DTX1: variants seen among roughly 807,000 people sequenced by gnomAD.
DTX1 encodes deltex E3 ubiquitin ligase 1.
Under a neutral mutation model 57.8 loss-of-function variants are expected in DTX1, and 26 were observed. That is an observed-to-expected ratio of 0.45 (90% confidence interval 0.33 to 0.62). The LOEUF (loss-of-function observed/expected upper bound fraction) is 0.62. Ranked by LOEUF, DTX1 falls within the 20% of genes least tolerant of loss-of-function variation. The probability of loss-of-function intolerance (pLI) is 0.02; values close to 1 mark genes in which losing one functional copy is unlikely to be tolerated. For missense variants in DTX1, 704 were observed against 895.3 expected, an observed-to-expected ratio of 0.79 and a Z score of 2.73; for synonymous variants, 398 against 394.1, an observed-to-expected ratio of 1.01 and a Z score of -0.12.
rs2044641063 is a variant in DTX1 at position 113,058,057 on chromosome 12, G to C, written c.-136G>C. 1 of 1,377,478 alleles carries C rather than the reference G, an allele frequency of 7.3e-7. No homozygotes were observed. Among genetic ancestry groups the C allele is most frequent in the Admixed American group, 2.9e-5 (1 of 34,926 alleles). 85.3% of individuals were successfully genotyped at this position (1,377,478 alleles called of 1,614,324 possible). On this transcript the variant is annotated 5_prime_UTR_variant, in exon 2 of 10. Transcript: ENST00000548759. ...AACGGAGGTCTCTAGGCCTCAGAGAGAACCCAGAGTTAGAAAGGAGGCCAG... is the reference window on the plus strand; with the variant it reads ...AACGGAGGTCTCTAGGCCTCAGAGACAACCCAGAGTTAGAAAGGAGGCCAG...
intron 3 of DTX1, among the ~76,000 whole-genome samples, chr12:113,079,224 A>G (rs1404389244): frequency 3.3e-5 from 5 of 152,138 alleles, no homozygotes. Context: ...AAGAGAAAAG[A>G]CCAGGGGGGT....
At chr12:113,061,981 C>A (rs554597286) in intron 2 of DTX1, among the ~76,000 whole-genome samples, 1 of 152,012 alleles carries the variant, frequency 6.6e-6, no homozygotes, top group South Asian at 2.1e-4. Flanking sequence ...GCTGGGATTA[C>A]AAGCGTGAGC....
At chr12:113,059,045 G>T (rs904272836) in intron 2 of DTX1, among the ~76,000 whole-genome samples, 1 of 152,068 alleles carries the variant, frequency 6.6e-6, no homozygotes, top group African/African-American at 2.4e-5. Context: ...CGTGCTGGTG[G>T]TAATTAATTG....
chr12:113,068,528 C>T (rs1342853605), intron 2 of DTX1, among the ~76,000 whole-genome samples: 1 of 152,164 alleles, frequency 6.6e-6, no homozygotes, highest in African/African-American at 2.4e-5. Flanking sequence ...ACAGATGGAA[C>T]AGCATATGCA....
At chr12:113,070,855 C>T (rs547121299) in intron 2 of DTX1, among the ~76,000 whole-genome samples, 1 of 152,206 alleles carries the variant, frequency 6.6e-6, no homozygotes, top group African/African-American at 2.4e-5. Context: ...CAAGAGTTCA[C>T]CTCTCCGGGC....
chr12:113,065,468 C>T lies in DTX1; in HGVS notation c.259+7017C>T, dbSNP rs188469192. ...CTTCCGGGCTGGGGGTGGGGATGCC[C>T]GGGACAGACCCCCTCGCAGCCCTCT... On this transcript the variant is annotated intron_variant, in intron 2 of 9. Coordinates refer to ENST00000548759, the MANE Select transcript of DTX1 (RefSeq NM_004416.3). 3.6e-3 allele frequency among the ~76,000 whole-genome samples: 555 copies of T among 152,254 alleles called. 5 individuals are homozygous for T. Among genetic ancestry groups the T allele is most frequent in the Non-Finnish European group, 3.2e-3 (217 of 67,998 alleles).
intron 2 of DTX1, among the ~76,000 whole-genome samples, chr12:113,070,146 C>T (rs1279307619): frequency 6.6e-6 from 1 of 152,166 alleles, no homozygotes; most frequent in Non-Finnish European, 1.5e-5. Flanking sequence ...GCAATAACAC[C>T]CCCACCTCCT....
At chr12:113,096,611 A>G (rs1357649658) in intron 9 of DTX1, 104 bp from the exon 10 acceptor site, 1 of 1,110,572 alleles carries the variant, frequency 9.0e-7, no homozygotes, top group African/African-American at 1.5e-5. Flanking sequence ...GGACGAAGCC[A>G]TAAGGTAGCC....
At chr12:113,067,362 T>TA (rs2044710592) in intron 2 of DTX1, among the ~76,000 whole-genome samples, 1 of 152,128 alleles carries the variant, frequency 6.6e-6, no homozygotes, top group Non-Finnish European at 1.5e-5. Flanking sequence ...TCCAAGGTGT[T>TA]ACTCACCTGG....
At chr12:113,081,245 C>T (rs1201436362) in intron 3 of DTX1, among the ~76,000 whole-genome samples, 1 of 152,034 alleles carries the variant, frequency 6.6e-6, no homozygotes, top group Non-Finnish European at 1.5e-5. Flanking sequence ...GGGAGGATTG[C>T]GTGAACCCGG....
Position 113,095,312 on chromosome 12 carries a change from T to TC in DTX1, c.1549-10dup, listed in dbSNP as rs1449558247. 1 of 1,613,978 alleles carries TC rather than the reference T, an allele frequency of 6.2e-7. No individual in the cohort carries two copies. Among genetic ancestry groups the TC allele is most frequent in the South Asian group, 1.1e-5 (1 of 91,064 alleles). ...GTTCATGGTCTAAATCCCTGTACTG[T>TC]CCCTCTCTGCAGGGCCCTGAGCACC... On this transcript the variant is annotated splice_polypyrimidine_tract_variant and intron_variant, in intron 8 of 9. Transcript: ENST00000548759.
In DTX1 at chr12:113,095,474, T is replaced by A. The variant is rs1048663363; in HGVS notation, c.1638+60T>A. 14 of 1,594,072 alleles carry A rather than the reference T, an allele frequency of 8.8e-6. No homozygotes were observed. In the African/African-American group the frequency reaches 1.9e-4, roughly 21 times the overall value. On this transcript the variant is annotated intron_variant, in intron 9 of 9. Coordinates refer to ENST00000548759, the MANE Select transcript of DTX1 (RefSeq NM_004416.3). ...CACAGGCAGGGGCTCCAGCAACCACTGGCCTGGGCCTGTGGTCCCCATCAT... is the reference window on the plus strand; with the variant it reads ...CACAGGCAGGGGCTCCAGCAACCACAGGCCTGGGCCTGTGGTCCCCATCAT...
intron 2 of DTX1, among the ~76,000 whole-genome samples, chr12:113,070,646 C>T (rs1335325384): frequency 6.6e-6 from 1 of 152,206 alleles, no homozygotes; most frequent in East Asian, 1.9e-4. Flanking sequence ...GGGTTCAGAT[C>T]GGGACCATGC....
At position 113,057,934 on chromosome 12, in the gene DTX1, T is replaced by A. The variant is rs528422058; in HGVS notation, c.-259T>A. 1.8e-6 allele frequency: 1 copy of A among 564,166 alleles called. No individual in the cohort carries two copies. Among genetic ancestry groups the A allele is most frequent in the Non-Finnish European group, 3.0e-6 (1 of 331,862 alleles). The allele number at this position is 564,166 out of a possible 1,614,324, so 34.9% of individuals were successfully genotyped here. ...GACTTTAGAGCTGTTTCCTCCGGCA[T>A]AAGAGAGACACTTGCTTTCCAGGGC... On this transcript the variant is annotated 5_prime_UTR_variant, in exon 2 of 10. Coordinates refer to ENST00000548759, the MANE Select transcript of DTX1 (RefSeq NM_004416.3).
chr12:113,059,312 G>C (rs879875311), intron 2 of DTX1, among the ~76,000 whole-genome samples: 1 of 152,106 alleles, frequency 6.6e-6, no homozygotes, highest in Non-Finnish European at 1.5e-5. Context: ...TGATGGGGTG[G>C]TGATGATGGA....
rs1338176629 is a variant in DTX1, at chr12:113,094,782, C to T, written c.1228-7C>T. ...CAGTCCTCAGTCTCCCCTGCTGCCA[C>T]CTGCAGGACTGCACCATCTGCATGG... On this transcript the variant is annotated splice_region_variant and splice_polypyrimidine_tract_variant and intron_variant, in intron 6 of 9. Coordinates refer to ENST00000548759, the MANE Select transcript of DTX1 (RefSeq NM_004416.3). 3.7e-6 allele frequency: 6 copies of T among 1,611,262 alleles called. 1 individual carries two copies. The South Asian group carries it at 5.5e-5, about 15-fold the overall frequency.
chr12:113,077,618 T>G lies in DTX1; in HGVS notation c.454T>G (p.Tyr152Asp). ...LSSLGFCYLI[Y>D]FNSMSQMNRQ... The stretch of plus-strand genomic sequence containing the variant: ...ATCGCTAGGCTTCTGCTACCTCATC[T>G]ACTTCAACAGCATGTCGCAGATGAA... Residue 152 changes from tyrosine (Y) to aspartate (D), a missense_variant, in exon 3 of 10, where the codon TAC (tyrosine) becomes GAC (aspartate). This residue lies in a region of DTX1 where 237 missense variants were observed against 328.6 expected (regional missense o/e 0.72). Transcript: ENST00000548759. This position sits in a 1 kb window ranked among gnomAD's most constrained non-coding sequence, Gnocchi z 7.8. The G allele has an allele frequency of 6.2e-7, 1 of 1,612,818 alleles. No individual in the cohort carries two copies. The highest frequency in any genetic ancestry group is 8.5e-7 in the Non-Finnish European group (1 of 1,179,770).
chr12:113,058,119 G>A lies in DTX1; in HGVS notation c.-74G>A. On this transcript the variant is annotated 5_prime_UTR_variant, in exon 2 of 10. Coordinates refer to ENST00000548759, the MANE Select transcript of DTX1 (RefSeq NM_004416.3). ...TGTCCCCCTGGGGAGAGAGGAAGTT[G>A]CCGCCTGCTGCCAGGCCCAGGAGGA... The A allele has an allele frequency of 1.4e-6, 2 of 1,475,034 alleles. No homozygotes were observed. Among genetic ancestry groups the A allele is most frequent in the Non-Finnish European group, 1.8e-6 (2 of 1,113,964 alleles). 91.4% of individuals were successfully genotyped at this position (1,475,034 alleles called of 1,614,324 possible). A position where few individuals can be genotyped will look rare whatever the true frequency, so the allele number is the denominator to read the frequency against.
At position 113,077,328 on chromosome 12, in the gene DTX1, A is replaced by ACC; in HGVS notation, c.260-96_260-95insCC. 7.6e-7 allele frequency: 1 copy of ACC among 1,318,416 alleles called. No homozygotes were observed. Among genetic ancestry groups the ACC allele is most frequent in the African/African-American group, 1.7e-5 (1 of 57,632 alleles). 81.7% of individuals were successfully genotyped at this position (1,318,416 alleles called of 1,614,324 possible). A position where few individuals can be genotyped will look rare whatever the true frequency, so the allele number is the denominator to read the frequency against. On this transcript the variant is annotated intron_variant, in intron 2 of 9. Coordinates refer to ENST00000548759, the MANE Select transcript of DTX1 (RefSeq NM_004416.3). This position sits in a 1 kb window ranked among gnomAD's most constrained non-coding sequence, Gnocchi z 7.8. ...CCCTGGAGGCCTGTGCTGACCCCCC[A>ACC]ACCTCCCGCCCACCCTTGCCTGGCT...
Sources: gnomAD v4.1 joint callset for allele counts (sites outside exome capture counted in the v4.1 genomes callset) on GRCh38, gnomAD v4.1.1 for gene constraint, gnomAD v4.1.1 regional missense constraint, Gnocchi (gnomAD v3.1) non-coding constraint, MANE v1.5 for transcripts, NCBI Gene and HGNC (gene_info 2026-07-23, HGNC 2026-07-21) for gene names.